The following RBMS3 variants were observed in gnomAD, a reference collection of about 807,000 sequenced individuals.
RBMS3 encodes the protein RNA-binding motif, single-stranded-interacting protein 3.
A neutral mutation model predicts 66.8 loss-of-function variants in RBMS3; 27 were observed. The ratio of observed to expected loss-of-function variants is 0.40; its 90% CI spans 0.30 to 0.56. RBMS3 has a LOEUF of 0.56. Ranked by LOEUF, RBMS3 falls within the 20% of genes least tolerant of loss-of-function variation. The probability of loss-of-function intolerance (pLI) is 0.40; values close to 1 mark genes in which losing one functional copy is unlikely to be tolerated. For missense variants in RBMS3, 513 were observed against 549.5 expected, an observed-to-expected ratio of 0.93 and a Z score of 0.66; for synonymous variants, 188 against 183.0, an observed-to-expected ratio of 1.03 and a Z score of -0.22.
chr3:29,296,213 A>G (rs530516626), intron 1 of RBMS3, among the ~76,000 whole-genome samples: 2 of 151,944 alleles, frequency 1.3e-5, no homozygotes, highest in African/African-American at 4.8e-5. Flanking sequence ...CACCTTATAT[A>G]CAAAGTAAAA....
At chr3:29,676,274 G>A (rs564833623) in intron 4 of RBMS3, among the ~76,000 whole-genome samples, 26 of 152,182 alleles carry the variant, frequency 1.7e-4, no homozygotes, top group Middle Eastern at 3.4e-3. Flanking sequence ...GGGGCCTGTC[G>A]TGGAGTGGGG....
chr3:29,873,497 A>T (rs976297441), intron 7 of RBMS3, among the ~76,000 whole-genome samples: 1 of 152,108 alleles, frequency 6.6e-6, no homozygotes, highest in Admixed American at 6.6e-5. Context: ...GGCTGAGACT[A>T]TGGGATTTTT....
intron 1 of RBMS3, chr3:29,391,043 C>A: frequency 2.6e-6 from 1 of 388,362 alleles, no homozygotes; most frequent in Admixed American, 2.3e-5. Context: ...TTGGTGGAGG[C>A]CCTTTGTGCT....
intron 4 of RBMS3, among the ~76,000 whole-genome samples, chr3:29,679,920 C>T (rs1576506212): frequency 2.1e-5 from 3 of 143,486 alleles, no homozygotes; most frequent in Admixed American, 1.3e-4. Flanking sequence ...GTCTAGCTGC[C>T]CTTAAATTGC....
chr3:29,625,418 G>T (rs2049023142), intron 4 of RBMS3, among the ~76,000 whole-genome samples: 2 of 152,156 alleles, frequency 1.3e-5, no homozygotes, highest in South Asian at 4.1e-4. Context: ...TTCTTGCCAG[G>T]CACAGTGGAT....
intron 6 of RBMS3, among the ~76,000 whole-genome samples, chr3:29,819,311 C>T (rs1053059122): frequency 1.3e-5 from 2 of 152,124 alleles, no homozygotes; most frequent in African/African-American, 4.8e-5. Flanking sequence ...ATGACAGCTA[C>T]TCAACTCTTC....
At chr3:29,987,157 A>G (rs1297453158) in intron 12 of RBMS3, among the ~76,000 whole-genome samples, 1 of 152,208 alleles carries the variant, frequency 6.6e-6, no homozygotes, top group East Asian at 1.9e-4. Flanking sequence ...GCCACAAAAA[A>G]TCATTCCTCT....
chr3:29,343,783 C>T (rs185682124), intron 1 of RBMS3, among the ~76,000 whole-genome samples: 1 of 152,102 alleles, frequency 6.6e-6, no homozygotes, highest in Non-Finnish European at 1.5e-5. Flanking sequence ...GCTTTTGATC[C>T]TAAGGTCACA....
chr3:29,342,293 A>C (rs1016797309), intron 1 of RBMS3, among the ~76,000 whole-genome samples: 1 of 152,132 alleles, frequency 6.6e-6, no homozygotes, highest in Non-Finnish European at 1.5e-5. Context: ...GATGTATGGA[A>C]GAGCTGCCCA....
At chr3:29,347,801 G>T (rs1272342255) in intron 1 of RBMS3, among the ~76,000 whole-genome samples, 1 of 152,188 alleles carries the variant, frequency 6.6e-6, no homozygotes, top group African/African-American at 2.4e-5. Flanking sequence ...AAGAGGGAGA[G>T]AATGCAAACT....
At chr3:29,398,753 C>G (rs1474186496) in intron 1 of RBMS3, among the ~76,000 whole-genome samples, 1 of 151,918 alleles carries the variant, frequency 6.6e-6, no homozygotes, top group Non-Finnish European at 1.5e-5. Context: ...CCAAGTGATG[C>G]AAAAAATGTT....
chr3:29,461,435 G>T (rs971086557), intron 2 of RBMS3, among the ~76,000 whole-genome samples: 12 of 152,088 alleles, frequency 7.9e-5, no homozygotes, highest in Admixed American at 6.5e-5. Flanking sequence ...CTGTTGTTCA[G>T]ACAACAAAAA....
intron 6 of RBMS3, among the ~76,000 whole-genome samples, chr3:29,807,930 G>A (rs139808389): frequency 6.6e-6 from 1 of 151,662 alleles, no homozygotes; most frequent in African/African-American, 2.4e-5. Flanking sequence ...CCCTTCATAA[G>A]TGAAATTGTC....
At position 29,800,086 on chromosome 3, in the gene RBMS3, T is replaced by A. The variant is rs529963515; in HGVS notation, c.637+37097T>A. Among the ~76,000 whole-genome samples the A allele has an allele frequency of 3.9e-5, 6 of 152,358 alleles. No homozygotes were observed. The South Asian group carries it at 1.2e-3, about 32-fold the overall frequency. The stretch of plus-strand genomic sequence containing the variant: ...TCAAAGCCAACACAGAGAATACTAA[T>A]CAGTTTTAACTTCTTGAAAATTAAT... On this transcript the variant is annotated intron_variant, in intron 6 of 14. Coordinates refer to ENST00000383767, the MANE Select transcript of RBMS3 (RefSeq NM_001003793.3).
At chr3:29,345,912 A>G (rs1445412479) in intron 1 of RBMS3, among the ~76,000 whole-genome samples, 1 of 152,204 alleles carries the variant, frequency 6.6e-6, no homozygotes, top group African/African-American at 2.4e-5. Flanking sequence ...CAATTTTTTT[A>G]TATAGAGAAG....
intron 10 of RBMS3, among the ~76,000 whole-genome samples, chr3:29,901,632 G>C (rs546016590): frequency 6.6e-6 from 1 of 151,794 alleles, no homozygotes; most frequent in Non-Finnish European, 1.5e-5. Flanking sequence ...TATTATTAGT[G>C]TGTGTGTACA....
intron 14 of RBMS3, among the ~76,000 whole-genome samples, chr3:30,001,429 G>A (rs1352403469): frequency 6.6e-6 from 1 of 151,968 alleles, no homozygotes; most frequent in East Asian, 1.9e-4. Context: ...GAGGAGTGAG[G>A]AGAGGATTCA....
rs780327299 is a variant in RBMS3, at chr3:29,367,946, G to GA, written c.76-66789dup. On this transcript the variant is annotated intron_variant, in intron 1 of 14. Coordinates refer to ENST00000383767, the MANE Select transcript of RBMS3 (RefSeq NM_001003793.3). Reference sequence around the variant, plus strand: ...GAAGGATATGTTCAAACATCCCTAAGAAAAAAAATCAAGATTTCAACTTGG... The same window carrying GA: ...GAAGGATATGTTCAAACATCCCTAAGAAAAAAAAATCAAGATTTCAACTTGG... Among the ~76,000 whole-genome samples, 19 of 151,828 alleles carry GA rather than the reference G, an allele frequency of 1.3e-4. No individual in the cohort carries two copies. In the East Asian group the frequency reaches 2.3e-3, roughly 19 times the overall value.
At chr3:29,707,099 A>G (rs541481662) in intron 4 of RBMS3, among the ~76,000 whole-genome samples, 4 of 152,324 alleles carry the variant, frequency 2.6e-5, no homozygotes, top group African/African-American at 7.2e-5. Flanking sequence ...TCTAAGAGAC[A>G]TGAAGAAACT....
Sources: allele counts gnomAD v4.1 joint callset (sites outside exome capture counted in the v4.1 genomes callset), GRCh38; gene constraint gnomAD v4.1.1; transcripts MANE v1.5; gene names NCBI Gene and HGNC (gene_info 2026-07-23, HGNC 2026-07-21).